MCCC1: variants seen among roughly 807,000 people sequenced by gnomAD.
MCCC1 encodes the protein methylcrotonyl-CoA carboxylase subunit 1, also known as methylcrotonoyl-CoA carboxylase subunit alpha, mitochondrial.
MCCC1 carries 64 observed loss-of-function variants against 83.8 expected under a neutral mutation model. That is an observed-to-expected ratio of 0.76 (90% CI 0.62 to 0.94). The LOEUF is 0.94. Among genes scored for constraint, MCCC1 ranks in the 40% least tolerant of loss-of-function variants. The pLI, the probability that MCCC1 is intolerant of heterozygous loss-of-function variation, is 0.00. For synonymous variants in MCCC1, 322 were observed against 315.4 expected (o/e 1.02, Z -0.22); for missense variants, 807 against 904.7 (o/e 0.89, Z 1.39).
chr3:183,028,112 T>C (rs1712761124), intron 14 of MCCC1, among the ~76,000 whole-genome samples: 1 of 152,146 alleles, frequency 6.6e-6, no homozygotes, highest in African/African-American at 2.4e-5. Flanking sequence ...GCCAGTGACT[T>C]TAAGTTGAAT....
Position 183,051,590 on chromosome 3 carries a change from G to A in MCCC1, c.955+569C>T, listed in dbSNP as rs138217949. 1.1e-3 allele frequency among the ~76,000 whole-genome samples: 160 copies of A among 152,250 alleles called. 2 individuals are homozygous for A. The highest frequency in any genetic ancestry group is 3.3e-3 in the African/African-American group (137 of 41,538). On this transcript the variant is annotated intron_variant, in intron 9 of 18. Transcript: ENST00000265594. ...CTATTCTATACCATAGTACAATGGT[G>A]GATACATATCATTATACATTTGTCA... is the stretch of plus-strand genomic sequence containing the variant.
chr3:183,020,056 A>G (rs1353781877), intron 17 of MCCC1, 74 bp downstream of exon 17: 3 of 1,112,728 alleles, frequency 2.7e-6, no homozygotes, highest in Non-Finnish European at 4.1e-6. Context: ...AGGGAAAAGG[A>G]CATAAATGAC....
intron 13 of MCCC1, among the ~76,000 whole-genome samples, chr3:183,036,727 G>A (rs1476871738): frequency 1.3e-5 from 2 of 152,018 alleles, no homozygotes; most frequent in Admixed American, 1.3e-4. Flanking sequence ...TTTTAGTAGA[G>A]ACAGGGTTTC....
intron 4 of MCCC1, among the ~76,000 whole-genome samples, chr3:183,077,771 A>G (rs975563292): frequency 4.6e-5 from 7 of 152,110 alleles, no homozygotes; most frequent in Non-Finnish European, 8.8e-5. Flanking sequence ...ATTGTAAGTT[A>G]ATTTTTTTTG....
At position 183,051,773 on chromosome 3, in the gene MCCC1, G is replaced by A. The variant is rs114813558; in HGVS notation, c.955+386C>T. Among the ~76,000 whole-genome samples, 532 of 141,740 alleles carry A rather than the reference G, an allele frequency of 3.8e-3. 4 individuals carry two copies. The highest frequency in any genetic ancestry group is 0.013 in the African/African-American group (503 of 38,890). 93.0% of individuals were successfully genotyped at this position (141,740 alleles called of 152,430 possible). ...GGAGCTTGTGTGTTGGGGGGTATCC[G>A]AGTGGGGGACAGGGGGTATATGGGA... On this transcript the variant is annotated intron_variant, in intron 9 of 18. Coordinates refer to ENST00000265594, the MANE Select transcript of MCCC1 (RefSeq NM_020166.5).
chr3:183,101,346 T>C (rs1316107133), upstream of MCCC1, among the ~76,000 whole-genome samples: 1 of 152,224 alleles, frequency 6.6e-6, no homozygotes, highest in Non-Finnish European at 1.5e-5. Flanking sequence ...ATCCACTAGG[T>C]GAAGCCAGCT....
chr3:183,089,191 C>T (rs1289450098), intron 3 of MCCC1, among the ~76,000 whole-genome samples: 1 of 152,072 alleles, frequency 6.6e-6, no homozygotes, highest in East Asian at 1.9e-4. Context: ...GCTGGTGCAC[C>T]CTATAAAGGT....
chr3:183,106,297 T>C (rs931859835), intron 1 of MCCC1, among the ~76,000 whole-genome samples: 2 of 152,138 alleles, frequency 1.3e-5, no homozygotes, highest in African/African-American at 2.4e-5. Flanking sequence ...TTACTCCCAT[T>C]GCAATGGCTT....
intron 15 of MCCC1, 101 bp downstream of exon 15, chr3:183,025,654 T>C (rs990441936): frequency 3.7e-6 from 4 of 1,068,834 alleles, no homozygotes; most frequent in Non-Finnish European, 5.8e-6. Flanking sequence ...ACAGTCATAA[T>C]AGTCAAAGGC....
chr3:183,021,922 C>T (rs1286503985), intron 16 of MCCC1, among the ~76,000 whole-genome samples: 4 of 152,276 alleles, frequency 2.6e-5, no homozygotes, highest in Admixed American at 6.5e-5. Flanking sequence ...AAGCCTGCCT[C>T]GGCTATCCTT....
At chr3:183,065,210 T>TG (rs1195676236) in intron 7 of MCCC1, among the ~76,000 whole-genome samples, 20 of 151,126 alleles carry the variant, frequency 1.3e-4, no homozygotes, top group Non-Finnish European at 2.9e-4. Context: ...TGCAGGTCCC[T>TG]GAAAAAAAAA....
intron 13 of MCCC1, among the ~76,000 whole-genome samples, chr3:183,035,574 G>A (rs1450200193): frequency 6.7e-6 from 1 of 149,086 alleles, no homozygotes; most frequent in Non-Finnish European, 1.5e-5. Context: ...CCTGATCCAA[G>A]TATCTGGAAT....
At chr3:183,105,114 G>A (rs893670554) in intron 1 of MCCC1, among the ~76,000 whole-genome samples, 5 of 152,224 alleles carry the variant, frequency 3.3e-5, no homozygotes, top group Admixed American at 6.5e-5. Context: ...GGAGTCCGAG[G>A]CAGGCGACTC....
At chr3:183,045,146 T>A (rs898495589) in intron 10 of MCCC1, among the ~76,000 whole-genome samples, 11 of 151,508 alleles carry the variant, frequency 7.3e-5, no homozygotes, top group African/African-American at 2.7e-4. Flanking sequence ...AGTGGCGCGA[T>A]CTCGGCTTAC....
At chr3:183,045,272 G>T (rs1315596802) in intron 10 of MCCC1, 141 bp downstream of exon 10, 3 of 918,346 alleles carry the variant, frequency 3.3e-6, no homozygotes, top group Non-Finnish European at 5.0e-6. Context: ...TAGAGACAGG[G>T]TTTCACCACA....
chr3:183,106,098 A>G (rs941120731), intron 1 of MCCC1, among the ~76,000 whole-genome samples: 1 of 150,090 alleles, frequency 6.7e-6, no homozygotes, highest in African/African-American at 2.4e-5. Context: ...AAAAAAAAAG[A>G]CTACCAAAAC....
chr3:183,111,672 C>A (rs987372145), intron 1 of MCCC1, among the ~76,000 whole-genome samples: 3 of 152,158 alleles, frequency 2.0e-5, no homozygotes, highest in African/African-American at 7.2e-5. Flanking sequence ...CAGGAAAGAC[C>A]AGGAGGTCCA....
intron 14 of MCCC1, among the ~76,000 whole-genome samples, chr3:183,030,700 C>T (rs1163759353): frequency 6.6e-6 from 1 of 152,090 alleles, no homozygotes; most frequent in Non-Finnish European, 1.5e-5. Context: ...TGCTCTCCAG[C>T]TTCTCAACAT....
intron 4 of MCCC1, among the ~76,000 whole-genome samples, chr3:183,075,142 A>G (rs1217873089): frequency 1.3e-5 from 2 of 152,224 alleles, no homozygotes; most frequent in African/African-American, 4.8e-5. Context: ...GGCTGATTCA[A>G]TGACTTTGCT....
Sources: allele counts gnomAD v4.1 joint callset (sites outside exome capture counted in the v4.1 genomes callset), GRCh38; gene constraint gnomAD v4.1.1; transcripts MANE v1.5; gene names NCBI Gene and HGNC (gene_info 2026-07-23, HGNC 2026-07-21).